Variants in RBFOX1 observed in about 807,000 individuals in gnomAD.
The protein encoded by RBFOX1 is RNA binding protein fox-1 homolog 1.
A neutral mutation model predicts 57.7 loss-of-function variants in RBFOX1; 8 were observed. That is an observed-to-expected ratio of 0.14 (90% CI 0.08 to 0.25). RBFOX1 has a LOEUF of 0.25. Ranked by LOEUF, RBFOX1 falls within the 10% of genes least tolerant of loss-of-function variation. The probability of loss-of-function intolerance (pLI) is 1.00; values close to 1 mark genes in which losing one functional copy is unlikely to be tolerated. For missense variants in RBFOX1, 611 were observed against 548.5 expected (o/e 1.11, Z -1.14); for synonymous variants, 326 against 222.4 (o/e 1.47, Z -4.15).
intron 4 of RBFOX1, among the ~76,000 whole-genome samples, chr16:7,496,747 G>GGAAA (rs373032267): frequency 4.7e-5 from 6 of 127,498 alleles, no homozygotes; most frequent in African/African-American, 1.8e-4. Context: ...CTACAGAACA[G>GGAAA]AAAAAAAAAA....
At chr16:7,214,919 C>G (rs566509883) in intron 4 of RBFOX1, among the ~76,000 whole-genome samples, 2 of 152,234 alleles carry the variant, frequency 1.3e-5, no homozygotes, top group African/African-American at 4.8e-5. Flanking sequence ...TTTAAGTTCT[C>G]GGACACATGT....
intron 4 of RBFOX1, among the ~76,000 whole-genome samples, chr16:7,476,771 G>A (rs1404124332): frequency 6.6e-6 from 1 of 152,190 alleles, no homozygotes; most frequent in East Asian, 1.9e-4. Flanking sequence ...GGGGATGTCA[G>A]TAGGATTTGG....
intron 1 of RBFOX1, among the ~76,000 whole-genome samples, chr16:6,039,717 C>G (rs1352131573): frequency 6.6e-6 from 1 of 152,168 alleles, no homozygotes; most frequent in Non-Finnish European, 1.5e-5. Context: ...TTTATGGTGC[C>G]TTTTTCTGGG....
chr16:7,100,986 ACAC>A (rs2062592722), intron 4 of RBFOX1, among the ~76,000 whole-genome samples: 4 of 152,202 alleles, frequency 2.6e-5, no homozygotes, highest in African/African-American at 9.7e-5. Context: ...TTTTGAGGAA[ACAC>A]TCAGAGATAT....
intron 4 of RBFOX1, among the ~76,000 whole-genome samples, chr16:7,232,578 A>C (rs1465529823): frequency 6.6e-6 from 1 of 152,142 alleles, no homozygotes; most frequent in Non-Finnish European, 1.5e-5. Flanking sequence ...TAAGCGGCTC[A>C]TGCCTGTAAT....
At chr16:7,246,170 A>C (rs535812562) in intron 4 of RBFOX1, among the ~76,000 whole-genome samples, 5 of 152,328 alleles carry the variant, frequency 3.3e-5, no homozygotes, top group Non-Finnish European at 7.4e-5. Context: ...GCTGAAGCCA[A>C]GACTAATTTA....
intron 3 of RBFOX1, among the ~76,000 whole-genome samples, chr16:6,741,480 A>T (rs947468558): frequency 1.3e-5 from 2 of 152,052 alleles, no homozygotes; most frequent in African/African-American, 2.4e-5. Context: ...CCTGGCTAAC[A>T]TGGCGAAACC....
chr16:6,252,598 C>G (rs956737989), intron 1 of RBFOX1, among the ~76,000 whole-genome samples: 1 of 143,468 alleles, frequency 7.0e-6, no homozygotes, highest in African/African-American at 2.5e-5. Flanking sequence ...GCTTTCGTTT[C>G]CATGCCAAGG....
intron 5 of RBFOX1, among the ~76,000 whole-genome samples, chr16:7,530,457 T>G (rs1405893223): frequency 6.6e-6 from 1 of 152,088 alleles, no homozygotes; most frequent in Non-Finnish European, 1.5e-5. Context: ...AGCCAGAGGT[T>G]TCAGCCACAA....
intron 1 of RBFOX1, among the ~76,000 whole-genome samples, chr16:6,304,736 C>T (rs544902226): frequency 6.6e-6 from 1 of 151,932 alleles, no homozygotes; most frequent in Admixed American, 6.6e-5. Context: ...AATACAAAAA[C>T]TAGCCAGGTG....
At chr16:6,522,878 G>T (rs1340076388) in intron 2 of RBFOX1, among the ~76,000 whole-genome samples, 2 of 152,156 alleles carry the variant, frequency 1.3e-5, no homozygotes, top group African/African-American at 2.4e-5. Context: ...CACACTCTTT[G>T]TTTCTCTTCC....
At position 5,798,652 on chromosome 16, in the gene RBFOX1, A is replaced by G. The variant is rs562596499; in HGVS notation, c.319-68651A>G. On this transcript the variant is annotated intron_variant, in intron 3 of 19. Coordinates refer to the RBFOX1 transcript ENST00000641259. ...CTATATGCCTGTCTCCATGAAATATATGTGTGTCAAATGGGACTTATGAGA... is the reference window on the plus strand; with the variant it reads ...CTATATGCCTGTCTCCATGAAATATGTGTGTGTCAAATGGGACTTATGAGA... 6.8e-4 allele frequency among the ~76,000 whole-genome samples: 103 copies of G among 152,344 alleles called. 2 individuals carry two copies. The highest frequency in any genetic ancestry group is 2.3e-3 in the African/African-American group (95 of 41,586).
At chr16:5,853,790 C>T (rs1297952445) in intron 3 of RBFOX1, among the ~76,000 whole-genome samples, 1 of 152,156 alleles carries the variant, frequency 6.6e-6, no homozygotes, top group East Asian at 1.9e-4. Flanking sequence ...GGGTCTCCCT[C>T]TGTCACCCAG....
intron 4 of RBFOX1, among the ~76,000 whole-genome samples, chr16:7,414,234 C>T (rs1050280583): frequency 6.6e-6 from 1 of 152,202 alleles, no homozygotes; most frequent in African/African-American, 2.4e-5. Context: ...CAGAAATGGA[C>T]AAAACCGAGT....
At chr16:7,164,196 A>G (rs1468338200) in intron 4 of RBFOX1, among the ~76,000 whole-genome samples, 6 of 152,040 alleles carry the variant, frequency 3.9e-5, no homozygotes, top group African/African-American at 1.4e-4. Flanking sequence ...GCCCCCACAT[A>G]TGAGTGAGAA....
At chr16:5,248,853 G>A (rs567571006) in intron 1 of RBFOX1, among the ~76,000 whole-genome samples, 1 of 152,176 alleles carries the variant, frequency 6.6e-6, no homozygotes, top group South Asian at 2.1e-4. Context: ...GCTGGGCGAT[G>A]TGTGGACACC....
intron 3 of RBFOX1, among the ~76,000 whole-genome samples, chr16:6,913,916 C>G (rs1248035073): frequency 6.6e-6 from 1 of 152,168 alleles, no homozygotes; most frequent in South Asian, 2.1e-4. Flanking sequence ...AAAGCAAACA[C>G]TAAAGGCCTC....
rs138186638 is a variant in RBFOX1 at position 7,654,020 on chromosome 16, G to C, written c.890+73G>C. The C allele has an allele frequency of 5.6e-6, 8 of 1,420,068 alleles. No individual in the cohort carries two copies. The Admixed American group carries it at 1.4e-4, about 26-fold the overall frequency. 88.0% of individuals were successfully genotyped at this position (1,420,068 alleles called of 1,614,324 possible). A position where few individuals can be genotyped will look rare whatever the true frequency, so the allele number is the denominator to read the frequency against. On this transcript the variant is annotated intron_variant, in intron 12 of 15. Transcript: ENST00000550418. ...TCCCCAGAGGCACGGAGCTGTTTGC[G>C]AGCGCATGATGGTCTTGACTCCCCC...
chr16:7,480,191 T>G (rs963846499), intron 4 of RBFOX1, among the ~76,000 whole-genome samples: 1 of 152,176 alleles, frequency 6.6e-6, no homozygotes, highest in Non-Finnish European at 1.5e-5. Flanking sequence ...TTTCTGAGCT[T>G]TGGGTGAGGG....
Sources: gnomAD v4.1 joint callset for allele counts (sites outside exome capture counted in the v4.1 genomes callset) on GRCh38, gnomAD v4.1.1 for gene constraint, MANE v1.5 for transcripts, NCBI Gene and HGNC (gene_info 2026-07-23, HGNC 2026-07-21) for gene names.